Variants in DLGAP1 observed in about 807,000 individuals in gnomAD.
DLGAP1 encodes DLG associated protein 1.
A neutral mutation model predicts 90.8 loss-of-function variants in DLGAP1; 11 were observed. That is an observed-to-expected ratio of 0.12 (90% CI 0.08 to 0.20). DLGAP1 has a LOEUF of 0.20. DLGAP1 is among the 10% of genes least tolerant of loss of function. The probability of loss-of-function intolerance (pLI) is 1.00; values close to 1 mark genes in which losing one functional copy is unlikely to be tolerated. For synonymous variants in DLGAP1, 558 were observed against 540.7 expected, an observed-to-expected ratio of 1.03 and a Z score of -0.44; for missense variants, 1,050 against 1,333.8, an observed-to-expected ratio of 0.79 and a Z score of 3.31.
At chr18:4,427,746 A>G (rs1157036957) in intron 1 of DLGAP1, among the ~76,000 whole-genome samples, 1 of 152,194 alleles carries the variant, frequency 6.6e-6, no homozygotes, top group Non-Finnish European at 1.5e-5. Flanking sequence ...TTGAATTGTA[A>G]GTCATGGGGA....
At chr18:4,311,862 C>T (rs1441161276) in intron 1 of DLGAP1, among the ~76,000 whole-genome samples, 1 of 152,142 alleles carries the variant, frequency 6.6e-6, no homozygotes, top group Non-Finnish European at 1.5e-5. Flanking sequence ...ATTACAGGTG[C>T]CCGCCACCAC....
chr18:3,532,768 T>C (rs923086168), intron 10 of DLGAP1, among the ~76,000 whole-genome samples: 10 of 152,152 alleles, frequency 6.6e-5, no homozygotes, highest in Non-Finnish European at 1.0e-4. Flanking sequence ...GGATCCACCA[T>C]TAATTTAATA....
intron 2 of DLGAP1, among the ~76,000 whole-genome samples, chr18:4,114,154 T>C (rs1018133526): frequency 1.3e-5 from 2 of 151,188 alleles, no homozygotes; most frequent in African/African-American, 4.9e-5. Flanking sequence ...TCTAATTCTG[T>C]GAAAATGATA....
chr18:3,661,549 C>CAGAGGGA, intron 7 of DLGAP1, among the ~76,000 whole-genome samples: 1 of 149,098 alleles, frequency 6.7e-6, no homozygotes, highest in South Asian at 2.1e-4. Context: ...CAAGTTTAGG[C>CAGAGGGA]AGAGGGAAGA....
At chr18:4,072,844 A>G (rs1487578205) in intron 2 of DLGAP1, among the ~76,000 whole-genome samples, 1 of 152,208 alleles carries the variant, frequency 6.6e-6, no homozygotes, top group African/African-American at 2.4e-5. Flanking sequence ...CAACAGCCTC[A>G]TGAAGAAGGT....
rs561409691 is a variant in DLGAP1, at chr18:4,052,426, T to C, written c.-158-47225A>G. Among the ~76,000 whole-genome samples the C allele has an allele frequency of 1.8e-4, 28 of 152,330 alleles. No individual in the cohort carries two copies. In the East Asian group the frequency reaches 4.6e-3, roughly 25 times the overall value. Reference sequence around the variant, plus strand: ...CCAAGGCTGGGGGGCTTGCACCCTCTGAAACAATGTCTTGAGCTGTAACTT... The same window carrying C: ...CCAAGGCTGGGGGGCTTGCACCCTCCGAAACAATGTCTTGAGCTGTAACTT... On this transcript the variant is annotated intron_variant, in intron 2 of 12. Coordinates refer to ENST00000315677, the MANE Select transcript of DLGAP1 (RefSeq NM_004746.4).
chr18:3,644,939 T>C (rs1175815481), intron 7 of DLGAP1, among the ~76,000 whole-genome samples: 1 of 151,944 alleles, frequency 6.6e-6, no homozygotes, highest in Non-Finnish European at 1.5e-5. Context: ...TAGTGTACTA[T>C]CCTTTGGGTA....
At chr18:3,755,418 G>C (rs1044126127) in intron 5 of DLGAP1, among the ~76,000 whole-genome samples, 2 of 151,934 alleles carry the variant, frequency 1.3e-5, no homozygotes, top group Admixed American at 6.6e-5. Context: ...GACACAAATA[G>C]GTTGAAAGCA....
chr18:4,092,138 G>A (rs1012113568), intron 2 of DLGAP1, among the ~76,000 whole-genome samples: 6 of 152,098 alleles, frequency 3.9e-5, no homozygotes, highest in Non-Finnish European at 7.4e-5. Context: ...GCTACCTTGT[G>A]TGTAGGTGGG....
chr18:4,127,126 C>T (rs1182505209), intron 2 of DLGAP1, among the ~76,000 whole-genome samples: 1 of 152,130 alleles, frequency 6.6e-6, no homozygotes, highest in Non-Finnish European at 1.5e-5. Flanking sequence ...GAAGCAGCCA[C>T]CAGAGTTGAA....
intron 1 of DLGAP1, among the ~76,000 whole-genome samples, chr18:4,388,693 C>T (rs186818361): frequency 1.2e-4 from 19 of 152,260 alleles, no homozygotes; most frequent in African/African-American, 4.6e-4. Flanking sequence ...AAGTTACTCT[C>T]CCCCACCCGC....
chr18:3,558,206 A>C (rs1015755317), intron 9 of DLGAP1, among the ~76,000 whole-genome samples: 9 of 152,118 alleles, frequency 5.9e-5, no homozygotes, highest in South Asian at 4.1e-4. Flanking sequence ...TTGCAGTTCT[A>C]TCAGTTCAAG....
intron 1 of DLGAP1, among the ~76,000 whole-genome samples, chr18:4,393,077 T>G (rs1421128916): frequency 2.0e-5 from 3 of 152,226 alleles, no homozygotes; most frequent in African/African-American, 7.2e-5. Context: ...CACGTGGTTG[T>G]CAAATTCCTA....
intron 1 of DLGAP1, among the ~76,000 whole-genome samples, chr18:4,298,880 A>T (rs1446399767): frequency 6.6e-6 from 1 of 151,976 alleles, no homozygotes; most frequent in African/African-American, 2.4e-5. Context: ...AAGAGATCGA[A>T]ACTATCCGGG....
At chr18:3,878,870 T>C (rs1482720775) in intron 4 of DLGAP1, among the ~76,000 whole-genome samples, 3 of 152,176 alleles carry the variant, frequency 2.0e-5, no homozygotes, top group South Asian at 2.1e-4. Context: ...TGCCTTTCCA[T>C]AGGCGTGCTT....
At position 4,454,754 on chromosome 18, in the gene DLGAP1, C is replaced by A. The variant is rs1430326323; in HGVS notation, c.-267+252G>T. Among the ~76,000 whole-genome samples, 2 of 152,014 alleles carry A rather than the reference C, an allele frequency of 1.3e-5. No individual in the cohort carries two copies. Among genetic ancestry groups the A allele is most frequent in the African/African-American group, 2.4e-5 (1 of 41,424 alleles). Reference sequence around the variant, plus strand: ...GGGTCCCCGTGGGGAGCCGCGAGGACCGCATGGCCGGAGAGGACGCGCTCG... The same window carrying A: ...GGGTCCCCGTGGGGAGCCGCGAGGAACGCATGGCCGGAGAGGACGCGCTCG... On this transcript the variant is annotated intron_variant, in intron 1 of 12. Transcript: ENST00000315677. This position sits in a 1 kb window ranked among gnomAD's most constrained non-coding sequence, Gnocchi z 4.7.
intron 3 of DLGAP1, among the ~76,000 whole-genome samples, chr18:3,933,534 C>G (rs1431904039): frequency 3.3e-5 from 5 of 152,208 alleles, no homozygotes; most frequent in Admixed American, 3.3e-4. Flanking sequence ...CTTGTCTCTT[C>G]TTGGGAGGTT....
intron 1 of DLGAP1, among the ~76,000 whole-genome samples, chr18:4,405,279 C>T (rs2082639292): frequency 6.6e-6 from 1 of 152,110 alleles, no homozygotes; most frequent in African/African-American, 2.4e-5. Flanking sequence ...ACGTGGTGGT[C>T]CATTTTCCAC....
At chr18:4,110,608 A>C (rs891497240) in intron 2 of DLGAP1, among the ~76,000 whole-genome samples, 1 of 152,162 alleles carries the variant, frequency 6.6e-6, no homozygotes, top group Non-Finnish European at 1.5e-5. Context: ...GAGATACTAT[A>C]TTTTGGGGAA....
Sources: allele counts gnomAD v4.1 joint callset (sites outside exome capture counted in the v4.1 genomes callset), GRCh38; gene constraint gnomAD v4.1.1; non-coding constraint Gnocchi (gnomAD v3.1); transcripts MANE v1.5; gene names NCBI Gene and HGNC (gene_info 2026-07-23, HGNC 2026-07-21).